The following HTR7 variants were observed in gnomAD, a reference collection of about 807,000 sequenced individuals.
HTR7 encodes 5-HT-7.
In HTR7, 16 loss-of-function variants were observed where a neutral mutation model predicts 34.0. That is an observed-to-expected ratio of 0.47 (90% CI 0.32 to 0.71). The LOEUF (loss-of-function observed/expected upper bound fraction) is 0.71. HTR7 is among the 30% of genes least tolerant of loss of function. The probability of loss-of-function intolerance (pLI) is 0.04; values close to 1 mark genes in which losing one functional copy is unlikely to be tolerated. For missense variants in HTR7, 504 were observed against 625.5 expected (o/e 0.81, Z 2.07); for synonymous variants, 265 against 260.2 (o/e 1.02, Z -0.18).
chr10:90,779,354 T>C (rs1008664383), intron 1 of HTR7, among the ~76,000 whole-genome samples: 1 of 152,202 alleles, frequency 6.6e-6, no homozygotes, highest in East Asian at 1.9e-4. Flanking sequence ...CCTGATGTGA[T>C]TGTGAGAAGT....
intron 2 of HTR7, among the ~76,000 whole-genome samples, chr10:90,744,507 G>A (rs1453382709): frequency 6.8e-6 from 1 of 146,542 alleles, no homozygotes; most frequent in Non-Finnish European, 1.5e-5. Flanking sequence ...GATCCTACTT[G>A]CAGATTCACT....
chr10:90,813,149 T>G (rs1226442095), intron 1 of HTR7, among the ~76,000 whole-genome samples: 1 of 151,766 alleles, frequency 6.6e-6, no homozygotes, highest in African/African-American at 2.4e-5. Context: ...CACCCCTATC[T>G]CCCTTTGCTG....
At chr10:90,850,029 A>C (rs890576292) in intron 1 of HTR7, among the ~76,000 whole-genome samples, 4 of 152,264 alleles carry the variant, frequency 2.6e-5, no homozygotes, top group Non-Finnish European at 4.4e-5. Context: ...GAGCCTCAGC[A>C]GAGAGTTGCT....
chr10:90,765,460 A>G (rs1191093915), intron 1 of HTR7, among the ~76,000 whole-genome samples: 2 of 150,446 alleles, frequency 1.3e-5, no homozygotes, highest in Non-Finnish European at 3.0e-5. Context: ...TTGTTGATTT[A>G]TCTTTTCCAA....
intron 1 of HTR7, among the ~76,000 whole-genome samples, chr10:90,754,864 A>G (rs1844809317): frequency 6.6e-6 from 1 of 152,236 alleles, no homozygotes; most frequent in Non-Finnish European, 1.5e-5. Flanking sequence ...TAGAGCGTTC[A>G]GCTTAAAAAG....
chr10:90,758,173 T>C (rs530820079), intron 1 of HTR7, among the ~76,000 whole-genome samples: 29 of 151,718 alleles, frequency 1.9e-4, no homozygotes, highest in African/African-American at 6.8e-4. Context: ...GGTGAAACCC[T>C]GTCTCTACTA....
At chr10:90,767,026 C>T (rs930249059) in intron 1 of HTR7, among the ~76,000 whole-genome samples, 3 of 152,206 alleles carry the variant, frequency 2.0e-5, no homozygotes, top group Non-Finnish European at 4.4e-5. Flanking sequence ...ACTGGCTGGG[C>T]TCCCTGGTCT....
intron 2 of HTR7, 138 bp from the exon 3 acceptor site, chr10:90,743,828 T>G: frequency 4.0e-6 from 3 of 755,378 alleles, no homozygotes; most frequent in Non-Finnish European, 7.1e-6. Context: ...GGATTAAAAT[T>G]GATAGCAGTA....
chr10:90,856,915 C>T (rs928645028), intron 1 of HTR7, among the ~76,000 whole-genome samples: 1 of 152,200 alleles, frequency 6.6e-6, no homozygotes, highest in East Asian at 1.9e-4. Context: ...CTACAGTAAA[C>T]CAGAACATTT....
At chr10:90,789,802 T>C (rs1383956186) in intron 1 of HTR7, among the ~76,000 whole-genome samples, 2 of 152,200 alleles carry the variant, frequency 1.3e-5, no homozygotes, top group African/African-American at 2.4e-5. Context: ...TTCAAATCCA[T>C]GTTCTGCAGT....
chr10:90,808,889 T>C (rs1845750387), intron 1 of HTR7, among the ~76,000 whole-genome samples: 1 of 152,236 alleles, frequency 6.6e-6, no homozygotes, highest in Non-Finnish European at 1.5e-5. Flanking sequence ...TTTTCCATCC[T>C]ACAAGATATA....
chr10:90,810,621 C>T (rs538644191), intron 1 of HTR7, among the ~76,000 whole-genome samples: 1 of 152,280 alleles, frequency 6.6e-6, no homozygotes, highest in African/African-American at 2.4e-5. Flanking sequence ...AACCCATATA[C>T]TCTCCTATCC....
intron 1 of HTR7, among the ~76,000 whole-genome samples, chr10:90,853,637 C>A (rs1480996676): frequency 6.6e-6 from 1 of 151,886 alleles, no homozygotes; most frequent in East Asian, 1.9e-4. Flanking sequence ...AAAGATCATT[C>A]TTAAATTAGC....
chr10:90,797,293 C>T (rs1368660363), intron 1 of HTR7, among the ~76,000 whole-genome samples: 1 of 152,160 alleles, frequency 6.6e-6, no homozygotes, highest in East Asian at 1.9e-4. Context: ...GAGAAGGAAA[C>T]TATTTTCTTC....
chr10:90,803,398 T>G (rs912380489), intron 1 of HTR7, among the ~76,000 whole-genome samples: 2 of 152,192 alleles, frequency 1.3e-5, no homozygotes, highest in Non-Finnish European at 2.9e-5. Context: ...GTACGTTTAC[T>G]GGAGTTGTAC....
intron 1 of HTR7, among the ~76,000 whole-genome samples, chr10:90,831,786 T>C (rs1396832136): frequency 6.6e-6 from 1 of 151,908 alleles, no homozygotes; most frequent in East Asian, 1.9e-4. Context: ...AGATACAGAG[T>C]GTCGACTGGT....
At chr10:90,827,799 C>A (rs568812467) in intron 1 of HTR7, among the ~76,000 whole-genome samples, 1 of 152,292 alleles carries the variant, frequency 6.6e-6, no homozygotes, top group South Asian at 2.1e-4. Flanking sequence ...CAACACCCCA[C>A]TTTCAGCATT....
chr10:90,851,810 C>T (rs943804630), intron 1 of HTR7, among the ~76,000 whole-genome samples: 4 of 152,042 alleles, frequency 2.6e-5, no homozygotes, highest in Non-Finnish European at 5.9e-5. Context: ...TGGTTTCCCC[C>T]ATACCGTTCT....
chr10:90,789,333 A>G (rs1176078806), intron 1 of HTR7, among the ~76,000 whole-genome samples: 3 of 152,180 alleles, frequency 2.0e-5, no homozygotes, highest in Non-Finnish European at 2.9e-5. Context: ...AGTCTTCTCA[A>G]GACACAAAAT....
Sources: gnomAD v4.1 joint callset for allele counts (sites outside exome capture counted in the v4.1 genomes callset) on GRCh38, gnomAD v4.1.1 for gene constraint, MANE v1.5 for transcripts, NCBI Gene and HGNC (gene_info 2026-07-23, HGNC 2026-07-21) for gene names.